The following SLC44A1 variants were observed in gnomAD, a reference collection of about 807,000 sequenced individuals.
SLC44A1 encodes the protein choline transporter-like protein 1.
SLC44A1 carries 26 observed loss-of-function variants against 79.3 expected under a neutral mutation model. The ratio of observed to expected loss-of-function variants is 0.33; its 90% CI spans 0.24 to 0.46. SLC44A1 has a LOEUF of 0.46. SLC44A1 is among the 20% of genes least tolerant of loss of function. SLC44A1 has a pLI of 1.00. For synonymous variants in SLC44A1, 263 were observed against 286.2 expected (o/e 0.92, Z 0.82); for missense variants, 688 against 798.1 (o/e 0.86, Z 1.66).
At chr9:105,410,398 A>G (rs954096756) in intron 15 of SLC44A1, among the ~76,000 whole-genome samples, 1 of 152,132 alleles carries the variant, frequency 6.6e-6, no homozygotes, top group African/African-American at 2.4e-5. Flanking sequence ...AAAATAAACA[A>G]CCCATAACGA....
At chr9:105,288,933 T>C (rs905404841) in intron 1 of SLC44A1, among the ~76,000 whole-genome samples, 2 of 152,228 alleles carry the variant, frequency 1.3e-5, no homozygotes, top group Non-Finnish European at 2.9e-5. Context: ...GAAATCCTTC[T>C]TGAAAGACTG....
intron 15 of SLC44A1, among the ~76,000 whole-genome samples, chr9:105,426,904 T>C (rs992188576): frequency 6.6e-6 from 1 of 151,780 alleles, no homozygotes; most frequent in Non-Finnish European, 1.5e-5. Context: ...AGATACATAT[T>C]AAATAATTCC....
chr9:105,427,866 A>T (rs1432924738), intron 15 of SLC44A1, among the ~76,000 whole-genome samples: 1 of 152,180 alleles, frequency 6.6e-6, no homozygotes, highest in African/African-American at 2.4e-5. Context: ...CTTAATAATA[A>T]CGGCAAAAGA....
In SLC44A1 at chr9:105,362,968, G is replaced by A; in HGVS notation, c.1048G>A (p.Val350Met). 5.0e-6 allele frequency: 8 copies of A among 1,613,114 alleles called. No homozygotes were observed. The highest frequency in any genetic ancestry group is 6.8e-6 in the Non-Finnish European group (8 of 1,179,680). Residue 350 changes from valine to methionine, a missense_variant, in exon 9 of 16, where the codon GTG becomes ATG. By Grantham distance (21) the Val-to-Met change is conservative. Coordinates refer to ENST00000374720, the MANE Select transcript of SLC44A1 (RefSeq NM_080546.5). ...TTTCTTTGCTCTTGTCTTGTTTTGG[G>A]TGTACTGGATCATGACACTTCTTTT... Reference protein sequence around the residue: ...WTFFALVLFWVYWIMTLLFLG... With the variant: ...WTFFALVLFWMYWIMTLLFLG...
chr9:105,365,393 T>C, intron 10 of SLC44A1, 90 bp from the exon 11 acceptor site: 1 of 956,658 alleles, frequency 1.0e-6, no homozygotes. Context: ...CTGATTTTTT[T>C]TTTCACTGCG....
At chr9:105,302,629 G>A (rs565921874) in intron 2 of SLC44A1, among the ~76,000 whole-genome samples, 9 of 151,600 alleles carry the variant, frequency 5.9e-5, no homozygotes, top group Admixed American at 2.0e-4. Context: ...TGGAATTACC[G>A]GTGTGAACCA....
chr9:105,324,244 C>T (rs994707679), intron 3 of SLC44A1, among the ~76,000 whole-genome samples: 13 of 149,874 alleles, frequency 8.7e-5, no homozygotes, highest in African/African-American at 2.5e-4. Context: ...ATTCACCGTG[C>T]CCGGAATTTT....
intron 1 of SLC44A1, among the ~76,000 whole-genome samples, chr9:105,279,686 C>T (rs1423334064): frequency 6.6e-6 from 1 of 152,154 alleles, no homozygotes; most frequent in African/African-American, 2.4e-5. Context: ...GACAGTGATA[C>T]AGTAGGGCAT....
At chr9:105,436,554 C>T (rs1002561751) in intron 15 of SLC44A1, among the ~76,000 whole-genome samples, 1 of 151,898 alleles carries the variant, frequency 6.6e-6, no homozygotes, top group Non-Finnish European at 1.5e-5. Context: ...GCACTCCGTT[C>T]GGGGTGACAG....
intron 1 of SLC44A1, among the ~76,000 whole-genome samples, chr9:105,298,572 A>G (rs1178430574): frequency 1.3e-5 from 2 of 151,476 alleles, no homozygotes; most frequent in African/African-American, 4.9e-5. Flanking sequence ...CTGGTCTCAA[A>G]CTCCTGACCT....
downstream of SLC44A1, among the ~76,000 whole-genome samples, chr9:105,398,784 T>C (rs1828919346): frequency 1.3e-5 from 2 of 152,226 alleles, no homozygotes; most frequent in Non-Finnish European, 1.5e-5. Flanking sequence ...TGGCCTCATA[T>C]CTTTGATCAG....
chr9:105,356,246 G>A lies in SLC44A1; in HGVS notation c.535G>A (p.Val179Met). Residue 179 changes from valine to methionine, a missense_variant, in exon 6 of 16, where the codon GTG becomes ATG. Val to Met is a conservative substitution (Grantham distance 21). Coordinates refer to ENST00000374720, the MANE Select transcript of SLC44A1 (RefSeq NM_080546.5). ...TCCATTCTTCCATCGCTGTGCTCCT[G>A]TGAACATTTCCTGCTATGCCAAGTT... ...PIPFFHRCAP[V>M]NISCYAKFAE... 6.2e-7 allele frequency: 1 copy of A among 1,613,606 alleles called. No individual in the cohort carries two copies. The highest frequency in any genetic ancestry group is 8.5e-7 in the Non-Finnish European group (1 of 1,179,820).
At chr9:105,410,593 A>G (rs568352273) in intron 15 of SLC44A1, among the ~76,000 whole-genome samples, 1 of 152,312 alleles carries the variant, frequency 6.6e-6, no homozygotes, top group South Asian at 2.1e-4. Context: ...ACACTCATAC[A>G]TTGCTGGTGA....
At chr9:105,297,022 G>A (rs927565976) in intron 1 of SLC44A1, among the ~76,000 whole-genome samples, 1 of 152,066 alleles carries the variant, frequency 6.6e-6, no homozygotes, top group Non-Finnish European at 1.5e-5. Context: ...CATCTCTTAC[G>A]CCACAATGCT....
At chr9:105,362,692 A>G (rs1827817125) in intron 8 of SLC44A1, 129 bp from the exon 9 acceptor site, 4 of 562,920 alleles carry the variant, frequency 7.1e-6, no homozygotes, top group Non-Finnish European at 1.2e-5. Flanking sequence ...TTACTGATAA[A>G]GTATTATTGA....
At position 105,380,337 on chromosome 9, in the gene SLC44A1, C is replaced by T. The variant is rs550227860; in HGVS notation, c.1633-2786C>T. ...CATTCCAATAATTTATCCTCTAGAA[C>T]AGGAACGTCTATTTTTTTTTCTTTT... On this transcript the variant is annotated intron_variant, in intron 13 of 15. Transcript: ENST00000374720. Among the ~76,000 whole-genome samples, 8 of 152,218 alleles carry T rather than the reference C, an allele frequency of 5.3e-5. No individual in the cohort carries two copies. The South Asian group carries it at 1.5e-3, about 28-fold the overall frequency.
chr9:105,358,195 A>G (rs1827675936), intron 6 of SLC44A1, 149 bp from the exon 7 acceptor site: 1 of 570,890 alleles, frequency 1.8e-6, no homozygotes, highest in Non-Finnish European at 3.1e-6. Context: ...AGTCAAATAC[A>G]ACAGCAGCTA....
downstream of SLC44A1, among the ~76,000 whole-genome samples, chr9:105,399,354 G>A (rs567458519): frequency 1.1e-4 from 16 of 152,290 alleles, no homozygotes; most frequent in African/African-American, 3.4e-4. Context: ...AAAACAAAGC[G>A]GCTTTCAGTC....
At chr9:105,401,782 A>G (rs773949426), downstream of SLC44A1, among the ~76,000 whole-genome samples, 17 of 152,220 alleles carry the variant, frequency 1.1e-4, no homozygotes, top group Admixed American at 2.0e-4. Flanking sequence ...TTCATTCAAC[A>G]AGCATTTCCT....
Sources: gnomAD v4.1 joint callset for allele counts (sites outside exome capture counted in the v4.1 genomes callset) on GRCh38, gnomAD v4.1.1 for gene constraint, MANE v1.5 for transcripts, NCBI Gene and HGNC (gene_info 2026-07-23, HGNC 2026-07-21) for gene names.